Variants in ANXA4 observed in about 807,000 individuals in gnomAD.
ANXA4 encodes 35-beta calcimedin.
ANXA4 carries 39 observed loss-of-function variants against 49.8 expected under a neutral mutation model. The observed-to-expected ratio is 0.78, with a 90% CI of 0.61 to 1.02. The LOEUF is 1.02. Among genes scored for constraint, ANXA4 ranks in the 50% least tolerant of loss-of-function variants. The pLI is 0.00. For missense variants in ANXA4, 360 were observed against 410.1 expected (o/e 0.88, Z 1.05); for synonymous variants, 134 against 152.5 (o/e 0.88, Z 0.89).
At chr2:69,719,681 C>T (rs991563573) in intron 2 of ANXA4, among the ~76,000 whole-genome samples, 2 of 152,038 alleles carry the variant, frequency 1.3e-5, no homozygotes, top group Non-Finnish European at 2.9e-5. Context: ...TCAAGTGATC[C>T]ACCTGCCTCA....
intron 11 of ANXA4, 104 bp from the exon 12 acceptor site, chr2:69,820,595 A>G: frequency 7.2e-7 from 1 of 1,380,760 alleles, no homozygotes; most frequent in African/African-American, 1.4e-5. Flanking sequence ...GGAGCAAAGG[A>G]CATCGTCAGC....
chr2:69,723,535 C>T (rs1481102391), intron 3 of ANXA4, among the ~76,000 whole-genome samples: 2 of 152,198 alleles, frequency 1.3e-5, no homozygotes, highest in Non-Finnish European at 2.9e-5. Context: ...TGTCTCCAAC[C>T]AGGGTACTTA....
At chr2:69,677,512 G>C (rs1455461720) in intron 2 of ANXA4, among the ~76,000 whole-genome samples, 2 of 152,212 alleles carry the variant, frequency 1.3e-5, no homozygotes, top group Non-Finnish European at 2.9e-5. Context: ...TTACAGGCGT[G>C]AGCCACTGTG....
At chr2:69,688,526 A>G (rs1282750914) in intron 2 of ANXA4, among the ~76,000 whole-genome samples, 7 of 152,332 alleles carry the variant, frequency 4.6e-5, no homozygotes, top group South Asian at 2.1e-4. Flanking sequence ...TAGCTGGAAT[A>G]CTTTTATAAA....
At position 69,816,172 on chromosome 2, in the gene ANXA4, G is replaced by C. The variant is rs775148781; in HGVS notation, c.606G>C (p.Arg202=). The change falls in exon 9 of 13, where the codon CGG becomes CGC. Residue 202 remains arginine (R), a synonymous_variant. Transcript: ENST00000394295. ...AATTTCTAACTGTTCTCTGTTCCCGGAACCGAAATCACCTGTTGCATGGTA... is the reference window on the plus strand; with the variant it reads ...AATTTCTAACTGTTCTCTGTTCCCGCAACCGAAATCACCTGTTGCATGGTA... The part of the protein sequence containing the change: ...EVKFLTVLCS[R]NRNHLLHVFD... The C allele has an allele frequency of 5.0e-6, 8 of 1,614,006 alleles. No individual in the cohort carries two copies. Among genetic ancestry groups the C allele is most frequent in the Non-Finnish European group, 5.9e-6 (7 of 1,179,986 alleles).
chr2:69,741,888 C>G (rs549642301), upstream of ANXA4: 1 of 152,464 alleles, frequency 6.6e-6, no homozygotes, highest in African/African-American at 2.4e-5. Context: ...GGGGGCGAGG[C>G]CGGGGGACCG....
At position 69,752,293 on chromosome 2, in the gene ANXA4, C is replaced by A. The variant is rs115421423; in HGVS notation, c.-47+10118C>A. The stretch of plus-strand genomic sequence containing the variant: ...TATTGAGGGACAGGTCCTAGAGGGT[C>A]CAAGGATCCCATGTAAGGAACTGCT... On this transcript the variant is annotated intron_variant, in intron 1 of 12. Coordinates refer to ENST00000394295, the MANE Select transcript of ANXA4 (RefSeq NM_001153.5). 1.6e-4 allele frequency among the ~76,000 whole-genome samples: 24 copies of A among 152,252 alleles called. 1 individual carries two copies. The highest frequency in any genetic ancestry group is 5.8e-4 in the African/African-American group (24 of 41,542).
rs777072688 is a variant in ANXA4, at chr2:69,807,868, C to G, written c.307-38C>G. ...TGTGTCTGGGCCTCAGCTTTGTAAA[C>G]TGGCTCATATAGCCCTGTCCTCTGG... On this transcript the variant is annotated intron_variant, in intron 5 of 12. Coordinates refer to ENST00000394295, the MANE Select transcript of ANXA4 (RefSeq NM_001153.5). 3 of 1,571,480 alleles carry G rather than the reference C, an allele frequency of 1.9e-6. No individual in the cohort carries two copies. The South Asian group carries it at 3.3e-5, about 17-fold the overall frequency.
chr2:69,794,507 ATTATGTTATGTTATATTATG>A lies in ANXA4; in HGVS notation c.97+6381_97+6400del, dbSNP rs1329933686. ...ACTGAGGGCTGGTATGTTATGTTAT[ATTATGTTATGTTATATTATG>A]TTATGTTATGTTATGTTATGTTATG... On this transcript the variant is annotated intron_variant, in intron 3 of 12. Transcript: ENST00000394295. Among the ~76,000 whole-genome samples, 587 of 79,934 alleles carry A rather than the reference ATTATGTTATGTTATATTATG, an allele frequency of 7.3e-3. 5 individuals carry two copies. Among genetic ancestry groups the A allele is most frequent in the African/African-American group, 0.027 (487 of 18,338 alleles). The allele number at this position is 79,934 out of a possible 152,430, so 52.4% of individuals were successfully genotyped here.
chr2:69,774,329 C>T (rs1433632769), intron 1 of ANXA4, among the ~76,000 whole-genome samples: 3 of 40,546 alleles, frequency 7.4e-5, no homozygotes, highest in Admixed American at 7.5e-4. Context: ...TAAAAGGAGC[C>T]CCCCCCCCCC....
At chr2:69,711,867 A>T (rs1678687231) in intron 2 of ANXA4, among the ~76,000 whole-genome samples, 1 of 151,834 alleles carries the variant, frequency 6.6e-6, no homozygotes, top group African/African-American at 2.4e-5. Flanking sequence ...AGGTTGAGTT[A>T]ATGAGGGCAC....
At chr2:69,803,329 T>C (rs1673300505) in intron 3 of ANXA4, 1 of 152,216 alleles carries the variant, frequency 6.6e-6, no homozygotes, top group African/African-American at 2.4e-5. Flanking sequence ...CTGTATTTTT[T>C]CATTTCTCCC....
intron 2 of ANXA4, among the ~76,000 whole-genome samples, chr2:69,718,829 CACAT>C (rs913141881): frequency 7.2e-5 from 11 of 152,030 alleles, no homozygotes; most frequent in African/African-American, 9.7e-5. Flanking sequence ...CACATGCACA[CACAT>C]ATACATGCAC....
chr2:69,731,980 C>CTTTTTT (rs11425067), intron 3 of ANXA4, among the ~76,000 whole-genome samples: 61 of 120,116 alleles, frequency 5.1e-4, no homozygotes, highest in African/African-American at 1.3e-3. Context: ...TCTTTTCTTT[C>CTTTTTT]TTTTTTTTTT....
rs1179098441 is a variant in ANXA4 at position 69,820,838 on chromosome 2, T to C, written c.906+17T>C. On this transcript the variant is annotated intron_variant, in intron 12 of 12. Coordinates refer to ENST00000394295, the MANE Select transcript of ANXA4 (RefSeq NM_001153.5). The stretch of plus-strand genomic sequence containing the variant: ...TTCATCAAGGTAGGTCACAGCAGCC[T>C]AAGTCCAGAGTAAAGGATCCAGAAA... The C allele has an allele frequency of 1.2e-6, 2 of 1,613,046 alleles. No homozygotes were observed. The highest frequency in any genetic ancestry group is 1.7e-6 in the Non-Finnish European group (2 of 1,179,436).
chr2:69,749,472 C>T (rs1268932938), intron 1 of ANXA4, among the ~76,000 whole-genome samples: 3 of 151,980 alleles, frequency 2.0e-5, no homozygotes, highest in African/African-American at 7.3e-5. Context: ...GTAGAAACAA[C>T]CTAAACATCA....
chr2:69,724,418 C>A (rs989478016), intron 3 of ANXA4, among the ~76,000 whole-genome samples: 2 of 152,194 alleles, frequency 1.3e-5, no homozygotes, highest in African/African-American at 4.8e-5. Context: ...GGCTTCATCC[C>A]CCCATATAAA....
At chr2:69,660,371 G>T (rs1676666887) in intron 2 of ANXA4, among the ~76,000 whole-genome samples, 1 of 151,988 alleles carries the variant, frequency 6.6e-6, no homozygotes, top group African/African-American at 2.4e-5. Flanking sequence ...TCACATGAAG[G>T]TCTCATAGAC....
At chr2:69,666,996 A>T (rs191728417) in intron 2 of ANXA4, among the ~76,000 whole-genome samples, 69 of 152,328 alleles carry the variant, frequency 4.5e-4, no homozygotes, top group Non-Finnish European at 8.2e-4. Flanking sequence ...CAGTGAGCTG[A>T]GATCACATCA....
Sources: gnomAD v4.1 joint callset for allele counts (sites outside exome capture counted in the v4.1 genomes callset) on GRCh38, gnomAD v4.1.1 for gene constraint, MANE v1.5 for transcripts, NCBI Gene and HGNC (gene_info 2026-07-23, HGNC 2026-07-21) for gene names.